Variants in REXO2 observed in about 807,000 individuals in gnomAD.
REXO2 encodes oligoribonuclease, mitochondrial.
Under a neutral mutation model 30.9 loss-of-function variants are expected in REXO2, and 17 were observed. The ratio of observed to expected loss-of-function variants is 0.55; its 90% confidence interval spans 0.38 to 0.82. The LOEUF (loss-of-function observed/expected upper bound fraction) is 0.82, where lower values mean the gene tolerates loss of function less well. Among genes scored for constraint, REXO2 ranks in the 40% least tolerant of loss-of-function variants. The pLI, the probability that REXO2 is intolerant of heterozygous loss-of-function variation, is 0.00. For synonymous variants in REXO2, 105 were observed against 99.6 expected (o/e 1.05, Z -0.32); for missense variants, 253 against 293.2 (o/e 0.86, Z 1.00).
intron 3 of REXO2, 109 bp downstream of exon 3, chr11:114,444,042 A>G (rs1946496992): frequency 3.7e-6 from 3 of 816,584 alleles, no homozygotes; most frequent in Non-Finnish European, 6.2e-6. Flanking sequence ...AAAGGCTTAG[A>G]GAAGATTGCA....
chr11:114,439,861 T>A, intron 1 of REXO2, 186 bp downstream of exon 1: 1 of 663,574 alleles, frequency 1.5e-6, no homozygotes, highest in Non-Finnish European at 2.5e-6. Context: ...GGCGCCGTGC[T>A]GCGCTGTAGG....
At position 114,444,546 on chromosome 11, in the gene REXO2, C is replaced by A. The variant is rs769229032; in HGVS notation, c.315C>A (p.Gly105=). 1.6e-5 allele frequency: 25 copies of A among 1,608,926 alleles called. 1 individual carries two copies. The South Asian group carries it at 2.4e-4, about 16-fold the overall frequency. Reference sequence around the variant, plus strand: ...CTGGGGATTCTCTCTTGCAGTCTGGCCTTACCAAGGCAGTGAAGGAGAGTA... The same window carrying A: ...CTGGGGATTCTCTCTTGCAGTCTGGACTTACCAAGGCAGTGAAGGAGAGTA... The part of the protein sequence containing the change: ...DWCKEHHGKS[G]LTKAVKESTI... Residue 105 remains glycine (G), a synonymous_variant, in exon 4 of 7, where the codon GGC becomes GGA. Transcript: ENST00000265881.
At position 114,440,235 on chromosome 11, in the gene REXO2, A is replaced by G. The variant is rs765515418; in HGVS notation, c.148-421A>G. On this transcript the variant is annotated intron_variant, in intron 1 of 6. Transcript: ENST00000265881. ...CATGCCCGAAACAAGGGCTCCTCCC[A>G]CCGTTGAGCCTCAGTTTATATGAAG... is the stretch of plus-strand genomic sequence containing the variant. The G allele has an allele frequency of 2.1e-5, 9 of 434,884 alleles. No individual in the cohort carries two copies. In the East Asian group the frequency reaches 2.1e-4, roughly 10 times the overall value. 26.9% of individuals were successfully genotyped at this position (434,884 alleles called of 1,614,324 possible).
At chr11:114,442,230 A>C (rs1215859081) in intron 2 of REXO2, among the ~76,000 whole-genome samples, 1 of 152,068 alleles carries the variant, frequency 6.6e-6, no homozygotes, top group Non-Finnish European at 1.5e-5. Context: ...AGTCTGAGAA[A>C]AATGTTTTAT....
intron 2 of REXO2, 185 bp downstream of exon 2, chr11:114,440,924 T>C (rs1946472924): frequency 4.5e-6 from 2 of 443,482 alleles, no homozygotes; most frequent in South Asian, 1.0e-4. Context: ...CTAGTGAAAA[T>C]TAAAAATTAA....
intron 1 of REXO2, chr11:114,440,063 G>T: frequency 2.1e-6 from 1 of 480,030 alleles, no homozygotes; most frequent in Non-Finnish European, 4.1e-6. Flanking sequence ...AGGGCCAGAC[G>T]GGACTCCGGA....
rs575886424 is a variant in REXO2, at chr11:114,439,908, T to G, written c.147+233T>G. ...CAAGGGAGGAGTCCTCCGTGTGGCT[T>G]CTTCTCCTCCCTACCCCTCCGCCCA... On this transcript the variant is annotated intron_variant, in intron 1 of 6. Transcript: ENST00000265881. 110 of 578,908 alleles carry G rather than the reference T, an allele frequency of 1.9e-4. 1 individual carries two copies. The South Asian group carries it at 2.2e-3, about 11-fold the overall frequency. The allele number at this position is 578,908 out of a possible 1,614,324, so 35.9% of individuals were successfully genotyped here.
chr11:114,447,660 TAGAAG>T (rs1277774615), intron 5 of REXO2, among the ~76,000 whole-genome samples, 161 bp from the exon 6 acceptor site: 3 of 151,714 alleles, frequency 2.0e-5, no homozygotes, highest in Non-Finnish European at 4.4e-5. Flanking sequence ...AGAAAATATA[TAGAAG>T]AAAGAGAGGA....
intron 5 of REXO2, among the ~76,000 whole-genome samples, chr11:114,447,346 C>T (rs543987270): frequency 6.6e-6 from 1 of 152,086 alleles, no homozygotes; most frequent in South Asian, 2.1e-4. Flanking sequence ...ACTCAGTGTT[C>T]GAATGAGGTG....
At chr11:114,447,283 C>T (rs1450958444) in intron 5 of REXO2, among the ~76,000 whole-genome samples, 1 of 152,084 alleles carries the variant, frequency 6.6e-6, no homozygotes, top group African/African-American at 2.4e-5. Flanking sequence ...AAGGGCAGGG[C>T]ATGGAAATGA....
intron 3 of REXO2, 140 bp from the exon 4 acceptor site, chr11:114,444,401 G>A (rs1946499457): frequency 5.9e-6 from 4 of 675,222 alleles, no homozygotes; most frequent in Middle Eastern, 2.4e-4. Flanking sequence ...GATGGCAGTT[G>A]CAATTTGAAC....
intron 2 of REXO2, among the ~76,000 whole-genome samples, chr11:114,442,271 A>G (rs1946484129): frequency 6.6e-6 from 1 of 152,152 alleles, no homozygotes; most frequent in African/African-American, 2.4e-5. Context: ...CCTACTCTGA[A>G]AATTTTTCTG....
intron 6 of REXO2, among the ~76,000 whole-genome samples, chr11:114,448,395 T>G (rs1048803890): frequency 6.6e-6 from 1 of 152,194 alleles, no homozygotes; most frequent in African/African-American, 2.4e-5. Flanking sequence ...AGGAGAAACA[T>G]GAAACCTGAT....
At chr11:114,449,787 A>G (rs1212764849) in intron 6 of REXO2, 59 bp from the exon 7 acceptor site, 1 of 1,539,894 alleles carries the variant, frequency 6.5e-7, no homozygotes, top group Non-Finnish European at 8.7e-7. Context: ...TGTACTTTTA[A>G]AATGATTTTC....
At chr11:114,444,220 A>G (rs369861761) in intron 3 of REXO2, 1 of 609,562 alleles carries the variant, frequency 1.6e-6, no homozygotes, top group Non-Finnish European at 3.1e-6. Context: ...AAGGTTAGAC[A>G]TCAACTTTCA....
Position 114,450,145 on chromosome 11 carries a change from A to G in REXO2, c.*170A>G, listed in dbSNP as rs570593856. On this transcript the variant is annotated 3_prime_UTR_variant, in exon 7 of 7. Transcript: ENST00000265881. ...ATTTTTCTCCTAATATGCTGTTTCCATTATGACACAGCAGCTCCTTTGTAA... is the reference window on the plus strand; with the variant it reads ...ATTTTTCTCCTAATATGCTGTTTCCGTTATGACACAGCAGCTCCTTTGTAA... 4.1e-5 allele frequency: 22 copies of G among 535,032 alleles called. No individual in the cohort carries two copies. Among genetic ancestry groups the G allele is most frequent in the Middle Eastern group, 3.2e-4 (1 of 3,118 alleles). The allele number at this position is 535,032 out of a possible 1,614,324, so 33.1% of individuals were successfully genotyped here. A position where few individuals can be genotyped will look rare whatever the true frequency, so the allele number is the denominator to read the frequency against.
In REXO2 at chr11:114,447,838, A is replaced by G; in HGVS notation, c.543A>G (p.Pro181=). 4.3e-6 allele frequency: 7 copies of G among 1,613,776 alleles called. No homozygotes were observed. Among genetic ancestry groups the G allele is most frequent in the Non-Finnish European group, 5.9e-6 (7 of 1,179,890 alleles). Residue 181 remains proline (P), a synonymous_variant, in exon 6 of 7, where the codon CCA becomes CCG. Transcript: ENST00000265881. ...CTGCTGTGTATAGACGCTGGTATCC[A>G]GAAGAATATGAATTTGCACCAAAGA... ...TVKELCRRWY[P]EEYEFAPKKA...
chr11:114,440,632 T>A, intron 1 of REXO2, 24 bp from the exon 2 acceptor site: 1 of 1,546,914 alleles, frequency 6.5e-7, no homozygotes, highest in Non-Finnish European at 8.9e-7. Context: ...TTTGTGTGTG[T>A]TATATATTTA....
chr11:114,447,093 T>C (rs1946514546), intron 5 of REXO2, among the ~76,000 whole-genome samples: 1 of 152,026 alleles, frequency 6.6e-6, no homozygotes, highest in Non-Finnish European at 1.5e-5. Context: ...CGCCCGCCAC[T>C]GCGCCCGGCT....
Sources: gnomAD v4.1 joint callset for allele counts (sites outside exome capture counted in the v4.1 genomes callset) on GRCh38, gnomAD v4.1.1 for gene constraint, MANE v1.5 for transcripts, NCBI Gene and HGNC (gene_info 2026-07-23, HGNC 2026-07-21) for gene names.